The following ASTN2 variants were observed in gnomAD, a reference collection of about 807,000 sequenced individuals.
ASTN2 encodes the protein astrotactin 2.
In ASTN2, 54 loss-of-function variants were observed where a neutral mutation model predicts 139.8. That is an observed-to-expected ratio of 0.39 (90% CI 0.31 to 0.48). The LOEUF (loss-of-function observed/expected upper bound fraction) is 0.48. Among genes scored for constraint, ASTN2 ranks in the 20% least tolerant of loss-of-function variants. The pLI is 0.95. For missense variants in ASTN2, 1,565 were observed against 1,725.1 expected, an observed-to-expected ratio of 0.91 and a Z score of 1.64; for synonymous variants, 756 against 719.5, an observed-to-expected ratio of 1.05 and a Z score of -0.81.
At chr9:116,701,810 C>T (rs1460219286) in intron 16 of ASTN2, among the ~76,000 whole-genome samples, 2 of 150,768 alleles carry the variant, frequency 1.3e-5, no homozygotes, top group Admixed American at 1.3e-4. Flanking sequence ...GTTTAATTAT[C>T]TGCTGTGTTG....
intron 10 of ASTN2, 52 bp from the exon 11 acceptor site, chr9:116,863,785 T>TA: frequency 2.0e-6 from 3 of 1,507,440 alleles, no homozygotes; most frequent in Non-Finnish European, 9.0e-7. Flanking sequence ...ATCCTTAGAT[T>TA]AAAAAAATAA....
chr9:116,930,004 A>G (rs1003517754), intron 10 of ASTN2, among the ~76,000 whole-genome samples: 3 of 152,184 alleles, frequency 2.0e-5, no homozygotes, highest in Non-Finnish European at 2.9e-5. Flanking sequence ...GATGGGATGT[A>G]CTGGGAAGGA....
intron 10 of ASTN2, among the ~76,000 whole-genome samples, chr9:116,883,112 T>C (rs1588381259): frequency 6.6e-6 from 1 of 152,278 alleles, no homozygotes; most frequent in South Asian, 2.1e-4. Context: ...TTGTTTATAA[T>C]GGGGCAAAAT....
chr9:116,776,525 C>G lies in ASTN2; in HGVS notation c.2396+29107G>C, dbSNP rs1245802236. ...TATACTCTTCCCTGACTATATGCCT[C>G]CTCTCTAAGGCTGTTTCCGCTCCTT... On this transcript the variant is annotated intron_variant, in intron 13 of 22. Transcript: ENST00000313400. Among the ~76,000 whole-genome samples, 57 of 152,292 alleles carry G rather than the reference C, an allele frequency of 3.7e-4. 1 individual carries two copies. Among genetic ancestry groups the G allele is most frequent in the Admixed American group, 3.7e-3 (56 of 15,298 alleles).
chr9:116,915,168 A>T (rs1283589409), intron 10 of ASTN2, among the ~76,000 whole-genome samples: 3 of 152,300 alleles, frequency 2.0e-5, no homozygotes, highest in East Asian at 3.9e-4. Context: ...GCCATTGAAT[A>T]CAAAGCAAAT....
Position 116,815,804 on chromosome 9 carries a change from C to CAAAAAAAAAAAAAAAAAAAAAAAAAA in ASTN2, c.2207+4812_2207+4813insTTTTTTTTTTTTTTTTTTTTTTTTTT, listed in dbSNP as rs55954354. Among the ~76,000 whole-genome samples the CAAAAAAAAAAAAAAAAAAAAAAAAAA allele has an allele frequency of 8.3e-5, 2 of 24,108 alleles. 1 individual carries two copies. The highest frequency in any genetic ancestry group is 1.3e-4 in the Non-Finnish European group (2 of 14,964). 15.8% of individuals were successfully genotyped at this position (24,108 alleles called of 152,430 possible). On this transcript the variant is annotated intron_variant, in intron 12 of 22. Coordinates refer to ENST00000313400, the MANE Select transcript of ASTN2 (RefSeq NM_001365068.1). Reference sequence around the variant, plus strand: ...TGGGCAACAGAGCGAGACTCCGTCTCAAAAAAAAAAAAAAAAAAAAAAAAG... The same window carrying CAAAAAAAAAAAAAAAAAAAAAAAAAA: ...TGGGCAACAGAGCGAGACTCCGTCTCAAAAAAAAAAAAAAAAAAAAAAAAAAAAAAAAAAAAAAAAAAAAAAAAAAG...
rs547167133 is a variant in ASTN2 at position 116,918,492 on chromosome 9, C to A, written c.1890-54759G>T. The stretch of plus-strand genomic sequence containing the variant: ...CTCTTCCCTGAATTCTCATGCCATT[C>A]TGAAAAACCTGCCTAAAACCCTTTA... On this transcript the variant is annotated intron_variant, in intron 10 of 22. Coordinates refer to ENST00000313400, the MANE Select transcript of ASTN2 (RefSeq NM_001365068.1). Among the ~76,000 whole-genome samples the A allele has an allele frequency of 5.9e-5, 9 of 152,334 alleles. No individual in the cohort carries two copies. The South Asian group carries it at 1.9e-3, about 32-fold the overall frequency.
intron 3 of ASTN2, among the ~76,000 whole-genome samples, chr9:117,175,551 A>C (rs1297539992): frequency 3.9e-5 from 6 of 152,174 alleles, no homozygotes; most frequent in Non-Finnish European, 7.4e-5. Context: ...CAAAACCATA[A>C]TAACTAAAAG....
chr9:117,356,880 T>C (rs990157628), intron 1 of ASTN2, among the ~76,000 whole-genome samples: 3 of 151,900 alleles, frequency 2.0e-5, no homozygotes, highest in Non-Finnish European at 4.4e-5. Flanking sequence ...CTGGCCAACA[T>C]GGTGAAACCC....
chr9:116,974,946 T>A (rs1836303412), intron 10 of ASTN2, among the ~76,000 whole-genome samples: 1 of 152,170 alleles, frequency 6.6e-6, no homozygotes, highest in South Asian at 2.1e-4. Flanking sequence ...TCATTAATGA[T>A]CCCATGATGA....
chr9:116,681,822 A>T (rs914014038), intron 16 of ASTN2, among the ~76,000 whole-genome samples: 1 of 151,920 alleles, frequency 6.6e-6, no homozygotes, highest in African/African-American at 2.4e-5. Flanking sequence ...GGCTAGCCAT[A>T]TGTAGAAAGC....
intron 5 of ASTN2, among the ~76,000 whole-genome samples, chr9:117,089,628 C>T (rs9792524): frequency 0.13 from 19,607 of 151,882 alleles, 1,412 homozygotes; most frequent in East Asian, 0.19. Flanking sequence ...TCACCCATCA[C>T]CTGAGCAGTA....
At chr9:116,565,829 T>C (rs1853206112) in intron 19 of ASTN2, among the ~76,000 whole-genome samples, 1 of 152,148 alleles carries the variant, frequency 6.6e-6, no homozygotes, top group Non-Finnish European at 1.5e-5. Flanking sequence ...TCCAATAAGT[T>C]GACTTTACAA....
intron 7 of ASTN2, among the ~76,000 whole-genome samples, chr9:116,998,266 C>A (rs1837078994): frequency 6.6e-6 from 1 of 152,090 alleles, no homozygotes; most frequent in African/African-American, 2.4e-5. Context: ...AGGATATCCC[C>A]AGTTGAGGCT....
intron 2 of ASTN2, among the ~76,000 whole-genome samples, chr9:117,231,196 ACATG>A (rs1293454883): frequency 1.5e-4 from 23 of 152,222 alleles, no homozygotes; most frequent in Non-Finnish European, 2.8e-4. Flanking sequence ...CTTTAGGATT[ACATG>A]CATCACTCTG....
chr9:117,177,875 C>T (rs1457989147), intron 3 of ASTN2, among the ~76,000 whole-genome samples: 2 of 152,144 alleles, frequency 1.3e-5, no homozygotes, highest in Non-Finnish European at 2.9e-5. Flanking sequence ...AGGAATAAAT[C>T]TGAACTTGTC....
intron 6 of ASTN2, among the ~76,000 whole-genome samples, chr9:117,022,714 G>A (rs1397100648): frequency 6.6e-6 from 1 of 152,060 alleles, no homozygotes; most frequent in African/African-American, 2.4e-5. Context: ...TTAGTAAAAT[G>A]GATTCTCCTC....
intron 3 of ASTN2, among the ~76,000 whole-genome samples, chr9:117,194,818 A>G (rs1276080944): frequency 6.6e-6 from 1 of 152,254 alleles, no homozygotes; most frequent in Non-Finnish European, 1.5e-5. Context: ...AGGATAATAC[A>G]TTCTTTATGA....
intron 19 of ASTN2, among the ~76,000 whole-genome samples, chr9:116,536,299 A>T (rs71505576): frequency 7.1e-6 from 1 of 140,004 alleles, no homozygotes; most frequent in African/African-American, 2.7e-5. Context: ...CGATGGGTTC[A>T]AACTTCCTCC....
Sources: allele counts gnomAD v4.1 joint callset (sites outside exome capture counted in the v4.1 genomes callset), GRCh38; gene constraint gnomAD v4.1.1; transcripts MANE v1.5; gene names NCBI Gene and HGNC (gene_info 2026-07-23, HGNC 2026-07-21).